The following SPATS2 variants were observed in gnomAD, a reference collection of about 807,000 sequenced individuals.
SPATS2 encodes spermatogenesis-associated serine-rich protein 2.
Under a neutral mutation model 63.7 loss-of-function variants are expected in SPATS2, and 38 were observed. That is an observed-to-expected ratio of 0.60 (90% CI 0.46 to 0.78). The LOEUF (loss-of-function observed/expected upper bound fraction) is 0.78, where lower values mean the gene tolerates loss of function less well. Among genes scored for constraint, SPATS2 ranks in the 30% least tolerant of loss-of-function variants. SPATS2 has a pLI of 0.00. For synonymous variants in SPATS2, 207 were observed against 232.9 expected (o/e 0.89, Z 1.01); for missense variants, 588 against 666.2 (o/e 0.88, Z 1.29).
chr12:49,424,636 G>C lies in SPATS2; in HGVS notation c.-243-36134G>C, dbSNP rs193302380. Among the ~76,000 whole-genome samples the C allele has an allele frequency of 8.2e-3, 1,244 of 152,194 alleles. 30 individuals carry two copies. Among genetic ancestry groups the C allele is most frequent in the Non-Finnish European group, 7.1e-3 (480 of 68,022 alleles). On this transcript the variant is annotated intron_variant, in intron 2 of 13. Transcript: ENST00000552918. ...CTGTTAATTGGGAAAGTTGATTAAA[G>C]CAGGAAATAAAAAATGATACATACG...
At chr12:49,380,051 A>G (rs1437631836) in intron 2 of SPATS2, among the ~76,000 whole-genome samples, 1 of 152,078 alleles carries the variant, frequency 6.6e-6, no homozygotes, top group Non-Finnish European at 1.5e-5. Flanking sequence ...CCTATTCTGT[A>G]TATTTCAAAT....
Position 49,494,826 on chromosome 12 carries a change from A to G in SPATS2, c.350A>G (p.Glu117Gly). ...PDSSKSVSIQ[E>G]EQSAPSSEKG... ...TCCAGTAAATCAGTTTCCATTCAAG[A>G]GGAACAGTCTGCGCCTTCCTCAGAG... Residue 117 changes from glutamate to glycine, a missense_variant, in exon 7 of 14, where the codon GAG (glutamate) becomes GGG (glycine). Transcript: ENST00000552918. The G allele has an allele frequency of 6.2e-7, 1 of 1,613,838 alleles. No individual in the cohort carries two copies. The highest frequency in any genetic ancestry group is 1.1e-5 in the South Asian group (1 of 91,014).
chr12:49,371,918 G>C (rs966851644), intron 2 of SPATS2, among the ~76,000 whole-genome samples: 1 of 150,698 alleles, frequency 6.6e-6, no homozygotes, highest in Non-Finnish European at 1.5e-5. Context: ...ATTTGGTGGT[G>C]ACACAGATCC....
intron 3 of SPATS2, chr12:49,461,330 A>T (rs1188082416): frequency 6.5e-6 from 2 of 308,422 alleles, no homozygotes; most frequent in Non-Finnish European, 1.2e-5. Flanking sequence ...TTGCTGCAGG[A>T]TATTCTATGT....
chr12:49,433,970 A>G (rs891757699), intron 2 of SPATS2, among the ~76,000 whole-genome samples: 39 of 152,166 alleles, frequency 2.6e-4, no homozygotes, highest in African/African-American at 9.2e-4. Flanking sequence ...GTGTAAGGTA[A>G]CGGTCCAGCT....
chr12:49,436,618 A>G (rs1275999676), intron 2 of SPATS2, among the ~76,000 whole-genome samples: 2 of 103,112 alleles, frequency 1.9e-5, no homozygotes, highest in Non-Finnish European at 4.0e-5. Flanking sequence ...TGACCCCCCC[A>G]CCTCCCTCCC....
chr12:49,434,155 A>G (rs1007455609), intron 2 of SPATS2, among the ~76,000 whole-genome samples: 1 of 152,212 alleles, frequency 6.6e-6, no homozygotes, highest in Non-Finnish European at 1.5e-5. Flanking sequence ...TCTTTATGCC[A>G]GTACTACACT....
chr12:49,415,728 G>C (rs947032652), intron 2 of SPATS2, among the ~76,000 whole-genome samples: 1 of 151,924 alleles, frequency 6.6e-6, no homozygotes, highest in African/African-American at 2.4e-5. Context: ...TTCTGTAAAG[G>C]GCCAGATAGT....
intron 2 of SPATS2, among the ~76,000 whole-genome samples, chr12:49,374,100 A>T (rs1296252575): frequency 6.6e-6 from 1 of 152,024 alleles, no homozygotes; most frequent in Non-Finnish European, 1.5e-5. Context: ...AAAAAAAAAA[A>T]ATTGAAGTTT....
At chr12:49,499,801 T>G (rs1946533625) in intron 8 of SPATS2, among the ~76,000 whole-genome samples, 3 of 152,204 alleles carry the variant, frequency 2.0e-5, no homozygotes, top group South Asian at 4.1e-4. Context: ...ACACATTGTC[T>G]GAAAACCATT....
intron 13 of SPATS2, among the ~76,000 whole-genome samples, chr12:49,525,190 C>T (rs913437955): frequency 6.6e-6 from 1 of 152,220 alleles, no homozygotes; most frequent in African/African-American, 2.4e-5. Flanking sequence ...GTGCACCCAT[C>T]TCAAGGTAGA....
chr12:49,409,847 C>T (rs1189097257), intron 2 of SPATS2, among the ~76,000 whole-genome samples: 1 of 151,986 alleles, frequency 6.6e-6, no homozygotes, highest in Admixed American at 6.6e-5. Context: ...TAGTGATCCA[C>T]CTGCCTTGGC....
At chr12:49,520,192 C>G in intron 11 of SPATS2, among the ~76,000 whole-genome samples, 1 of 152,004 alleles carries the variant, frequency 6.6e-6, no homozygotes. Flanking sequence ...GTTGGTCAGG[C>G]TGGTCTCAAA....
At chr12:49,382,445 T>C (rs1039373695) in intron 2 of SPATS2, among the ~76,000 whole-genome samples, 2 of 152,258 alleles carry the variant, frequency 1.3e-5, no homozygotes, top group African/African-American at 4.8e-5. Flanking sequence ...TTTTATACCG[T>C]ATGAAGTGCT....
At chr12:49,389,886 A>G in intron 2 of SPATS2, 1 of 826,272 alleles carries the variant, frequency 1.2e-6, no homozygotes, top group Middle Eastern at 2.3e-4. Flanking sequence ...GGGAAAAATA[A>G]TGAAGTTAAC....
intron 2 of SPATS2, among the ~76,000 whole-genome samples, chr12:49,445,075 T>G (rs116846396): frequency 0.037 from 5,637 of 152,302 alleles, 135 homozygotes; most frequent in Non-Finnish European, 0.054. Flanking sequence ...TCCTTTCCAA[T>G]TGTGATGCCT....
intron 2 of SPATS2, among the ~76,000 whole-genome samples, chr12:49,423,845 T>C (rs2137434751): frequency 6.6e-6 from 1 of 152,312 alleles, no homozygotes; most frequent in East Asian, 1.9e-4. Context: ...TTAAATATTA[T>C]GTTACGGAGA....
At chr12:49,433,513 G>GT (rs1945222023) in intron 2 of SPATS2, among the ~76,000 whole-genome samples, 1 of 152,150 alleles carries the variant, frequency 6.6e-6, no homozygotes, top group Non-Finnish European at 1.5e-5. Flanking sequence ...GATCATTGTG[G>GT]TTTTGATTTG....
intron 2 of SPATS2, chr12:49,389,509 T>C: frequency 1.1e-6 from 1 of 896,580 alleles, no homozygotes; most frequent in South Asian, 1.3e-5. Context: ...AGGATATATC[T>C]TTAGAAATGA....
Sources: allele counts gnomAD v4.1 joint callset (sites outside exome capture counted in the v4.1 genomes callset), GRCh38; gene constraint gnomAD v4.1.1; transcripts MANE v1.5; gene names NCBI Gene and HGNC (gene_info 2026-07-23, HGNC 2026-07-21).